Variants in COX5A observed in about 807,000 individuals in gnomAD.
COX5A encodes cytochrome c oxidase subunit 5A, mitochondrial.
A neutral mutation model predicts 16.1 loss-of-function variants in COX5A; 6 were observed. The observed-to-expected ratio is 0.37, with a 90% CI of 0.20 to 0.73. The LOEUF (loss-of-function observed/expected upper bound fraction) is 0.73. Ranked by LOEUF, COX5A falls within the 30% of genes least tolerant of loss-of-function variation. COX5A has a pLI of 0.50. For synonymous variants in COX5A, 73 were observed against 73.8 expected, an observed-to-expected ratio of 0.99 and a Z score of 0.06; for missense variants, 159 against 194.9, an observed-to-expected ratio of 0.82 and a Z score of 1.10.
In COX5A at chr15:74,923,765, T is replaced by C. The variant is rs1409414817; in HGVS notation, c.345A>G (p.Lys115=). The C allele has an allele frequency of 6.4e-7, 1 of 1,573,476 alleles. No individual in the cohort carries two copies. The highest frequency in any genetic ancestry group is 1.1e-5 in the South Asian group (1 of 90,136). The part of the protein sequence containing the change: ...TVRILEVVKD[K]AGPHKEIYPY... ...GGTAGATTTCCTTATGAGGTCCTGC[T>C]TTGTCCTGATGGCAAAGAGAATATT... is the stretch of plus-strand genomic sequence containing the variant. Residue 115 remains lysine, a synonymous_variant, in exon 4 of 5, where the codon AAA becomes AAG. Coordinates refer to ENST00000322347, the MANE Select transcript of COX5A (RefSeq NM_004255.4).
chr15:74,926,889 T>C lies in COX5A; in HGVS notation c.218-2A>G, dbSNP rs1218244748. On this transcript the variant is annotated splice_acceptor_variant, in intron 2 of 4. Transcript: ENST00000322347. LOFTEE classifies it high-confidence loss of function. ...CATAGGTAACAAGTGTGTTTATCCC[T>C]GCAAAATTAAAAAGAAGGGCCATGT... 1 of 1,605,744 alleles carries C rather than the reference T, an allele frequency of 6.2e-7. No homozygotes were observed. Among genetic ancestry groups the C allele is most frequent in the Admixed American group, 1.7e-5 (1 of 57,734 alleles).
intron 3 of COX5A, among the ~76,000 whole-genome samples, chr15:74,925,866 C>T (rs946765578): frequency 1.1e-4 from 17 of 149,918 alleles, no homozygotes; most frequent in Non-Finnish European, 2.4e-4. Context: ...TGATAAATTC[C>T]TTTCTTTTTT....
chr15:74,926,217 T>A (rs904110046), intron 3 of COX5A, among the ~76,000 whole-genome samples: 4 of 151,802 alleles, frequency 2.6e-5, no homozygotes, highest in African/African-American at 9.7e-5. Flanking sequence ...TTTTTTTGTA[T>A]TTTTAGTAGA....
At chr15:74,930,239 G>A (rs2065360827) in intron 1 of COX5A, among the ~76,000 whole-genome samples, 1 of 151,838 alleles carries the variant, frequency 6.6e-6, no homozygotes, top group Admixed American at 6.6e-5. Flanking sequence ...CCAACATGGT[G>A]AAACCCCATC....
In COX5A at chr15:74,937,810, G is replaced by A. The variant is rs555282886; in HGVS notation, c.100+105C>T. On this transcript the variant is annotated intron_variant, in intron 1 of 4. Transcript: ENST00000322347. The stretch of plus-strand genomic sequence containing the variant: ...GCGGTCACCGGGTTCAGTAACCAGG[G>A]TAGGGCAAGGGCTAGGCCGGGGAGA... 7.3e-5 allele frequency: 50 copies of A among 687,854 alleles called. 1 individual carries two copies. In the South Asian group the frequency reaches 3.2e-3, roughly 45 times the overall value. The allele number at this position is 687,854 out of a possible 1,614,324, so 42.6% of individuals were successfully genotyped here.
At chr15:74,929,629 G>A (rs990654288) in intron 1 of COX5A, among the ~76,000 whole-genome samples, 1 of 152,124 alleles carries the variant, frequency 6.6e-6, no homozygotes, top group Non-Finnish European at 1.5e-5. Flanking sequence ...TGGGCATAGT[G>A]GGGCACACAC....
At chr15:74,931,818 T>C (rs918563871) in intron 1 of COX5A, among the ~76,000 whole-genome samples, 5 of 152,116 alleles carry the variant, frequency 3.3e-5, no homozygotes, top group African/African-American at 1.2e-4. Context: ...CCTCCCAAAG[T>C]GCTGGGATTA....
intron 4 of COX5A, among the ~76,000 whole-genome samples, chr15:74,922,818 A>C (rs1387524341): frequency 6.6e-6 from 1 of 151,962 alleles, no homozygotes; most frequent in Non-Finnish European, 1.5e-5. Context: ...GGCACATGCC[A>C]CCACACCCAG....
intron 2 of COX5A, 108 bp from the exon 3 acceptor site, chr15:74,926,995 T>G: frequency 2.5e-6 from 3 of 1,199,436 alleles, no homozygotes; most frequent in Non-Finnish European, 3.4e-6. Context: ...TCTGTCTGGG[T>G]CTCCATTCTC....
intron 3 of COX5A, among the ~76,000 whole-genome samples, chr15:74,926,032 ATT>A (rs755631696): frequency 3.7e-5 from 4 of 107,644 alleles, no homozygotes; most frequent in African/African-American, 3.7e-5. Context: ...TGCCCAGCTA[ATT>A]TTTTTTTTTT....
intron 1 of COX5A, among the ~76,000 whole-genome samples, chr15:74,932,561 G>A (rs980822377): frequency 6.6e-6 from 1 of 152,082 alleles, no homozygotes; most frequent in Admixed American, 6.6e-5. Flanking sequence ...CTTTAATGCA[G>A]TAACTGGCAG....
At chr15:74,929,505 A>G (rs2065357374) in intron 1 of COX5A, among the ~76,000 whole-genome samples, 1 of 152,196 alleles carries the variant, frequency 6.6e-6, no homozygotes, top group Admixed American at 6.6e-5. Context: ...GTTCCCTCTG[A>G]TTTTAAATTA....
At chr15:74,927,883 C>T (rs933193524) in intron 2 of COX5A, among the ~76,000 whole-genome samples, 1 of 152,102 alleles carries the variant, frequency 6.6e-6, no homozygotes, top group African/African-American at 2.4e-5. Context: ...TAAATGAGGA[C>T]ATTAAGGAGA....
At chr15:74,932,265 T>C (rs563549714) in intron 1 of COX5A, among the ~76,000 whole-genome samples, 1 of 152,326 alleles carries the variant, frequency 6.6e-6, no homozygotes, top group African/African-American at 2.4e-5. Context: ...CATTTCCTAC[T>C]ACCTGTATTA....
chr15:74,925,681 C>T (rs1025275823), intron 3 of COX5A, among the ~76,000 whole-genome samples: 3 of 152,132 alleles, frequency 2.0e-5, no homozygotes, highest in Non-Finnish European at 4.4e-5. Context: ...AGCCACCGTG[C>T]CCAGCCGACA....
chr15:74,934,287 A>T (rs141126602), intron 1 of COX5A, among the ~76,000 whole-genome samples: 4 of 151,836 alleles, frequency 2.6e-5, no homozygotes, highest in Admixed American at 2.6e-4. Flanking sequence ...AAACCCATAC[A>T]TCCCTTTCTG....
chr15:74,927,471 G>A (rs2065349448), intron 2 of COX5A, among the ~76,000 whole-genome samples: 1 of 151,946 alleles, frequency 6.6e-6, no homozygotes, highest in Admixed American at 6.6e-5. Flanking sequence ...CACCACATCC[G>A]GCCCTCCTAT....
intron 1 of COX5A, among the ~76,000 whole-genome samples, chr15:74,931,395 A>G (rs2065366790): frequency 6.6e-6 from 1 of 151,292 alleles, no homozygotes; most frequent in South Asian, 2.1e-4. Flanking sequence ...CAGCTACGCG[A>G]GAGACTGAGG....
At chr15:74,920,510 A>ACC in intron 4 of COX5A, 68 bp from the exon 5 acceptor site, 1 of 671,456 alleles carries the variant, frequency 1.5e-6, no homozygotes, top group Non-Finnish European at 2.7e-6. Context: ...TTTAAAAATA[A>ACC]CCCTTAGTGC....
Sources: gnomAD v4.1 joint callset for allele counts (sites outside exome capture counted in the v4.1 genomes callset) on GRCh38, gnomAD v4.1.1 for gene constraint, MANE v1.5 for transcripts, NCBI Gene and HGNC (gene_info 2026-07-23, HGNC 2026-07-21) for gene names.